The following NAV1 variants were observed in gnomAD, a reference collection of about 807,000 sequenced individuals.
The protein encoded by NAV1 is pore membrane and/or filament interacting like protein 3.
NAV1 carries 18 observed loss-of-function variants against 175.2 expected under a neutral mutation model. That is an observed-to-expected ratio of 0.10 (90% CI 0.07 to 0.15). The LOEUF is 0.15. Among genes scored for constraint, NAV1 ranks in the 10% least tolerant of loss-of-function variants. NAV1 has a pLI of 1.00. For missense variants in NAV1, 1,731 were observed against 2,436.6 expected (o/e 0.71, Z 6.10); for synonymous variants, 897 against 978.7 (o/e 0.92, Z 1.56).
chr1:201,790,636 A>G, intron 12 of NAV1, 53 bp from the exon 17 acceptor site: 2 of 1,613,938 alleles, frequency 1.2e-6, no homozygotes, highest in Non-Finnish European at 1.7e-6. Context: ...TTTTCCTTCC[A>G]AATCTTATAC....
chr1:201,776,658 AGTT>A (rs1675968015), intron 3 of NAV1, among the ~76,000 whole-genome samples: 1 of 147,874 alleles, frequency 6.8e-6, no homozygotes, highest in Admixed American at 6.8e-5. Context: ...AAAAAAAAAG[AGTT>A]GTTTTTTTTT....
At chr1:201,613,553 A>G (rs968085049) in intron 2 of NAV1, among the ~76,000 whole-genome samples, 3 of 152,152 alleles carry the variant, frequency 2.0e-5, no homozygotes, top group Non-Finnish European at 4.4e-5. Context: ...GTCTTCCATG[A>G]TTTTCCTCTC....
chr1:201,706,994 GA>G (rs1671698032), intron 1 of NAV1, among the ~76,000 whole-genome samples: 2 of 152,130 alleles, frequency 1.3e-5, no homozygotes, highest in Admixed American at 6.6e-5. Flanking sequence ...GGCCAGAGGG[GA>G]CCCCTGAGGT....
intron 1 of NAV1, among the ~76,000 whole-genome samples, chr1:201,552,941 G>C (rs1156771036): frequency 6.6e-6 from 1 of 152,192 alleles, no homozygotes; most frequent in Non-Finnish European, 1.5e-5. Flanking sequence ...CTGGCTCTAA[G>C]ATATATGGTC....
intron 3 of NAV1, among the ~76,000 whole-genome samples, chr1:201,748,337 T>G (rs1571924705): frequency 6.6e-6 from 1 of 152,188 alleles, no homozygotes. Context: ...AAGTTGTTTC[T>G]TTTCTGGGGT....
intron 15 of NAV1, among the ~76,000 whole-genome samples, chr1:201,802,124 G>A (rs1227155641): frequency 1.9e-5 from 1 of 52,358 alleles, no homozygotes; most frequent in Non-Finnish European, 5.7e-5. Flanking sequence ...GCGACAGAGC[G>A]AGACTCCGTC....
At chr1:201,744,934 T>G (rs551938767) in intron 3 of NAV1, among the ~76,000 whole-genome samples, 47 of 152,274 alleles carry the variant, frequency 3.1e-4, no homozygotes, top group African/African-American at 8.7e-4. Flanking sequence ...TATCTGGAGG[T>G]CTTTGATAGT....
intron 3 of NAV1, among the ~76,000 whole-genome samples, chr1:201,732,257 G>C (rs1266039909): frequency 6.6e-6 from 1 of 152,160 alleles, no homozygotes; most frequent in Non-Finnish European, 1.5e-5. Flanking sequence ...CTACAGGCAA[G>C]TGCCACGATG....
chr1:201,564,576 T>C (rs1225648755), intron 1 of NAV1, among the ~76,000 whole-genome samples: 1 of 152,220 alleles, frequency 6.6e-6, no homozygotes, highest in African/African-American at 2.4e-5. Context: ...TGAGCCAAGA[T>C]TGTGCCACTG....
intron 1 of NAV1, among the ~76,000 whole-genome samples, chr1:201,560,002 G>C (rs1227406390): frequency 6.6e-6 from 1 of 152,218 alleles, no homozygotes; most frequent in Admixed American, 6.5e-5. Context: ...GGCTGGGGCA[G>C]TCCTGCACTG....
At chr1:201,620,445 C>T (rs943626669), upstream of NAV1, among the ~76,000 whole-genome samples, 7 of 141,150 alleles carry the variant, frequency 5.0e-5, no homozygotes, top group African/African-American at 1.6e-4. Flanking sequence ...GTATGGGAGA[C>T]ATATACTCTT....
chr1:201,607,862 TAA>T (rs1667729633), intron 2 of NAV1, among the ~76,000 whole-genome samples: 1 of 141,284 alleles, frequency 7.1e-6, no homozygotes, highest in Non-Finnish European at 1.5e-5. Flanking sequence ...AGTATAATGA[TAA>T]CTTTATTGTG....
intron 1 of NAV1, among the ~76,000 whole-genome samples, chr1:201,663,434 G>A (rs569897152): frequency 6.6e-6 from 1 of 152,220 alleles, no homozygotes; most frequent in Admixed American, 6.5e-5. Flanking sequence ...CCTCATTTCT[G>A]GGCAGGGATG....
Position 201,702,822 on chromosome 1 carries a change from T to C in NAV1, c.758-9995T>C, listed in dbSNP as rs79100016. On this transcript the variant is annotated intron_variant, in intron 1 of 29. Coordinates refer to ENST00000367296, the Ensembl canonical transcript of NAV1. The stretch of plus-strand genomic sequence containing the variant: ...ATTCTGGCTTTGCCATTTGCTGTTA[T>C]ATGTCCTTGGACAGCTTACTCAACC... 3.3e-3 allele frequency among the ~76,000 whole-genome samples: 502 copies of C among 152,292 alleles called. 3 individuals carry two copies. The East Asian group carries it at 0.039, about 12-fold the overall frequency.
intron 1 of NAV1, among the ~76,000 whole-genome samples, chr1:201,690,891 G>C (rs1156251940): frequency 6.6e-6 from 1 of 152,200 alleles, no homozygotes; most frequent in African/African-American, 2.4e-5. Context: ...ATGGGTACGA[G>C]ATTTTGCATA....
intron 1 of NAV1, among the ~76,000 whole-genome samples, chr1:201,576,885 T>C (rs1666706832): frequency 6.6e-6 from 1 of 152,250 alleles, no homozygotes; most frequent in African/African-American, 2.4e-5. Context: ...TAATTGCTAA[T>C]GATTTTGAAT....
At chr1:201,695,297 G>A (rs1208763252) in intron 1 of NAV1, among the ~76,000 whole-genome samples, 1 of 152,142 alleles carries the variant, frequency 6.6e-6, no homozygotes, top group East Asian at 1.9e-4. Context: ...CGGGCCCTTA[G>A]CTTAGGGCCT....
exon 5 of NAV1, chr1:201,781,190 G>A (rs766634119): frequency 3.7e-5 from 59 of 1,613,998 alleles, no homozygotes; most frequent in Non-Finnish European, 4.7e-5. Flanking sequence ...TCCAAGGGTG[G>A]AGAACTGAAA....
chr1:201,815,783 G>T (rs1451051949), intron 28 of NAV1, among the ~76,000 whole-genome samples: 1 of 152,098 alleles, frequency 6.6e-6, no homozygotes, highest in East Asian at 1.9e-4. Flanking sequence ...TTGTTGCCCA[G>T]GCTGGAGTGC....
Sources: allele counts gnomAD v4.1 joint callset (sites outside exome capture counted in the v4.1 genomes callset), GRCh38; gene constraint gnomAD v4.1.1; transcripts MANE v1.5; gene names NCBI Gene and HGNC (gene_info 2026-07-23, HGNC 2026-07-21).